Variants in OSBPL11 observed in about 807,000 individuals in gnomAD.
OSBPL11 encodes oxysterol binding protein like 11.
A neutral mutation model predicts 84.4 loss-of-function variants in OSBPL11; 33 were observed. That is an observed-to-expected ratio of 0.39 (90% CI 0.30 to 0.52). OSBPL11 has a LOEUF of 0.52. OSBPL11 is among the 20% of genes least tolerant of loss of function. The pLI is 0.72. For synonymous variants in OSBPL11, 276 were observed against 310.2 expected, an observed-to-expected ratio of 0.89 and a Z score of 1.16; for missense variants, 736 against 901.1, an observed-to-expected ratio of 0.82 and a Z score of 2.35.
chr3:125,589,632 A>C (rs1001655741), intron 1 of OSBPL11, among the ~76,000 whole-genome samples: 1 of 151,784 alleles, frequency 6.6e-6, no homozygotes, highest in East Asian at 1.9e-4. Flanking sequence ...AAAAAAAAAA[A>C]GCAGACATTT....
chr3:125,585,532 T>C (rs1352582777), intron 1 of OSBPL11, among the ~76,000 whole-genome samples: 1 of 101,846 alleles, frequency 9.8e-6, no homozygotes, highest in Non-Finnish European at 1.9e-5. Context: ...AGAGTTAGCT[T>C]TCTGAAAAAA....
intron 1 of OSBPL11, among the ~76,000 whole-genome samples, chr3:125,592,887 A>T: frequency 6.6e-6 from 1 of 152,214 alleles, no homozygotes; most frequent in Non-Finnish European, 1.5e-5. Context: ...CCTAAACATA[A>T]GCACTAAAAC....
Position 125,530,584 on chromosome 3 carries a change from A to G in OSBPL11, c.2179-4T>C. 6.2e-7 allele frequency: 1 copy of G among 1,610,236 alleles called. No homozygotes were observed. The highest frequency in any genetic ancestry group is 8.5e-7 in the Non-Finnish European group (1 of 1,176,488). On this transcript the variant is annotated splice_region_variant and splice_polypyrimidine_tract_variant and intron_variant, in intron 12 of 12. Coordinates refer to ENST00000296220, the MANE Select transcript of OSBPL11 (RefSeq NM_022776.5). ...TATGATAAACCCAGCCATCTCCCTG[A>G]AACAAATAAAAAGATAAAGAATCAT...
intron 1 of OSBPL11, among the ~76,000 whole-genome samples, chr3:125,585,909 TCTAA>T (rs1219110658): frequency 6.6e-6 from 1 of 152,202 alleles, no homozygotes; most frequent in Non-Finnish European, 1.5e-5. Flanking sequence ...ACACAGTATC[TCTAA>T]CTCTCATGCT....
chr3:125,533,445 G>A (rs1363455535), intron 11 of OSBPL11, among the ~76,000 whole-genome samples: 1 of 151,822 alleles, frequency 6.6e-6, no homozygotes, highest in East Asian at 1.9e-4. Context: ...GGCTGGTCTC[G>A]AACTCCTGAC....
chr3:125,589,709 T>C (rs768494228), intron 1 of OSBPL11, among the ~76,000 whole-genome samples: 3 of 152,178 alleles, frequency 2.0e-5, no homozygotes, highest in Non-Finnish European at 2.9e-5. Flanking sequence ...CATTCATTTA[T>C]ATTTAGGCCA....
chr3:125,542,509 A>AT (rs35801148), intron 10 of OSBPL11, among the ~76,000 whole-genome samples: 14,121 of 119,830 alleles, frequency 0.12, 1,110 homozygotes, highest in African/African-American at 0.24. Flanking sequence ...CTAATTTTGT[A>AT]TTTTTTTTTT....
intron 11 of OSBPL11, among the ~76,000 whole-genome samples, chr3:125,532,803 T>TATTCATCGTTGCCCCCAACTGGTAA (rs145498747): frequency 1.3e-5 from 2 of 151,746 alleles, no homozygotes; most frequent in African/African-American, 4.8e-5. Flanking sequence ...ACAGCAGTAT[T>TATTCATCGTTGCCCCCAACTGGTAA]ATGGATAGGC....
intron 11 of OSBPL11, among the ~76,000 whole-genome samples, chr3:125,532,675 G>GA (rs1935578202): frequency 1.3e-5 from 2 of 151,048 alleles, no homozygotes; most frequent in Non-Finnish European, 1.5e-5. Context: ...ATATACATGT[G>GA]AAAAAAATGT....
At chr3:125,585,866 T>C (rs1468147926) in intron 1 of OSBPL11, among the ~76,000 whole-genome samples, 2 of 152,232 alleles carry the variant, frequency 1.3e-5, no homozygotes, top group Non-Finnish European at 2.9e-5. Context: ...ATTCACACTT[T>C]CTTTTCTTCT....
chr3:125,575,681 C>T (rs1580058380), intron 5 of OSBPL11, among the ~76,000 whole-genome samples: 1 of 148,172 alleles, frequency 6.7e-6, no homozygotes, highest in African/African-American at 2.5e-5. Context: ...AGGTGCACAC[C>T]ACCACCCCCA....
intron 10 of OSBPL11, among the ~76,000 whole-genome samples, chr3:125,540,523 A>G (rs990573834): frequency 3.3e-5 from 5 of 152,194 alleles, no homozygotes; most frequent in African/African-American, 9.6e-5. Context: ...ATGTCATTAC[A>G]TGCTTCCTCT....
At chr3:125,577,373 A>T (rs781641134) in intron 4 of OSBPL11, among the ~76,000 whole-genome samples, 1 of 152,238 alleles carries the variant, frequency 6.6e-6, no homozygotes, top group Non-Finnish European at 1.5e-5. Context: ...CAAAGAAGAT[A>T]TACAAATGAC....
chr3:125,530,992 T>C (rs1935546865), intron 12 of OSBPL11, among the ~76,000 whole-genome samples: 1 of 151,574 alleles, frequency 6.6e-6, no homozygotes. Flanking sequence ...TCCTTTTTTT[T>C]TTCCCCCAAG....
intron 5 of OSBPL11, 140 bp from the exon 6 acceptor site, chr3:125,567,735 A>G: frequency 1.5e-6 from 1 of 678,720 alleles, no homozygotes; most frequent in Non-Finnish European, 2.5e-6. Context: ...GCTCACACCT[A>G]TAATCCCGGC....
chr3:125,538,674 A>G (rs747677039), intron 10 of OSBPL11, 41 bp from the exon 11 acceptor site: 2 of 1,528,374 alleles, frequency 1.3e-6, no homozygotes, highest in East Asian at 2.3e-5. Context: ...CTAATAAGTG[A>G]TATCATGTTT....
At chr3:125,562,858 G>A (rs780391988) in intron 7 of OSBPL11, among the ~76,000 whole-genome samples, 15 of 152,096 alleles carry the variant, frequency 9.9e-5, no homozygotes, top group Admixed American at 3.9e-4. Flanking sequence ...CCCCGGAGGC[G>A]GAGGTTGCGG....
At chr3:125,567,289 T>C in intron 6 of OSBPL11, 105 bp downstream of exon 6, 2 of 1,008,510 alleles carry the variant, frequency 2.0e-6, no homozygotes, top group Non-Finnish European at 3.0e-6. Flanking sequence ...GGTTTTCTTC[T>C]CCTTTTTTTA....
In OSBPL11 at chr3:125,551,252, AAT is replaced by A. The variant is rs201549852; in HGVS notation, c.1654+927_1654+928del. Among the ~76,000 whole-genome samples, 88 of 151,326 alleles carry A rather than the reference AAT, an allele frequency of 5.8e-4. No homozygotes were observed. In the East Asian group the frequency reaches 0.016, roughly 27 times the overall value. On this transcript the variant is annotated intron_variant, in intron 9 of 12. Coordinates refer to ENST00000296220, the MANE Select transcript of OSBPL11 (RefSeq NM_022776.5). Reference sequence around the variant, plus strand: ...TCATAGAATATTATGCAGTCATTAAAATATGTTTTATCAATGACATGATAAAA... The same window carrying A: ...TCATAGAATATTATGCAGTCATTAAAATGTTTTATCAATGACATGATAAAA...
Sources: gnomAD v4.1 joint callset for allele counts (sites outside exome capture counted in the v4.1 genomes callset) on GRCh38, gnomAD v4.1.1 for gene constraint, MANE v1.5 for transcripts, NCBI Gene and HGNC (gene_info 2026-07-23, HGNC 2026-07-21) for gene names.